DNAH8: variants seen among roughly 807,000 people sequenced by gnomAD.
DNAH8 encodes axonemal beta dynein heavy chain 8.
Under a neutral mutation model 562.1 loss-of-function variants are expected in DNAH8, and 382 were observed. The ratio of observed to expected loss-of-function variants is 0.68; its 90% CI spans 0.63 to 0.74. The LOEUF is 0.74. Ranked by LOEUF, DNAH8 falls within the 30% of genes least tolerant of loss-of-function variation. The pLI is 0.00. For missense variants in DNAH8, 5,203 were observed against 5,620.4 expected (o/e 0.93, Z 2.37); for synonymous variants, 1,881 against 1,919.4 (o/e 0.98, Z 0.52).
Position 38,913,994 on chromosome 6 carries a change from C to G in DNAH8, c.9963+42C>G, listed in dbSNP as rs1299105047. The G allele has an allele frequency of 2.0e-6, 3 of 1,466,248 alleles. No homozygotes were observed. In the African/African-American group the frequency reaches 4.2e-5, roughly 21 times the overall value. The allele number at this position is 1,466,248 out of a possible 1,614,324, so 90.8% of individuals were successfully genotyped here. On this transcript the variant is annotated intron_variant, in intron 67 of 92. Transcript: ENST00000327475. ...TTTATCACTGATGAGGAATATTTTT[C>G]CATATTAAAATGCATTGTTTTAAAA...
intron 21 of DNAH8, among the ~76,000 whole-genome samples, chr6:38,793,133 C>G (rs998292922): frequency 1.3e-5 from 2 of 152,008 alleles, no homozygotes; most frequent in African/African-American, 4.8e-5. Flanking sequence ...TGAGACAACA[C>G]TAAACAACCC....
chr6:38,917,495 A>G, intron 69 of DNAH8, 89 bp downstream of exon 69: 1 of 1,029,234 alleles, frequency 9.7e-7, no homozygotes, highest in Non-Finnish European at 1.4e-6. Context: ...AAACTGGCAG[A>G]CAATAATTGA....
intron 79 of DNAH8, among the ~76,000 whole-genome samples, chr6:38,944,175 C>T (rs780297634): frequency 1.7e-4 from 26 of 151,794 alleles, no homozygotes; most frequent in Non-Finnish European, 2.4e-4. Flanking sequence ...GGCTGCTTCT[C>T]GCACCAGTGA....
intron 53 of DNAH8, among the ~76,000 whole-genome samples, chr6:38,881,595 A>C (rs1778498355): frequency 7.4e-6 from 1 of 135,492 alleles, no homozygotes; most frequent in South Asian, 2.2e-4. Flanking sequence ...TTTGTTGCCC[A>C]CGCTGGAGTG....
chr6:38,894,650 T>C, intron 58 of DNAH8, 51 bp from the exon 59 acceptor site: 1 of 1,428,100 alleles, frequency 7.0e-7, no homozygotes, highest in African/African-American at 1.4e-5. Context: ...TAATTCTACT[T>C]TTAGTTGTAT....
intron 21 of DNAH8, among the ~76,000 whole-genome samples, chr6:38,797,981 A>C (rs1583032793): frequency 6.6e-6 from 1 of 151,930 alleles, no homozygotes; most frequent in South Asian, 2.1e-4. Context: ...GGGAGGCTGA[A>C]GCAGGAGAAT....
Position 38,839,375 on chromosome 6 carries a change from G to GT in DNAH8, c.4466+1343dup, listed in dbSNP as rs945233286. On this transcript the variant is annotated intron_variant, in intron 33 of 92. Coordinates refer to ENST00000327475, the MANE Select transcript of DNAH8 (RefSeq NM_001206927.2). ...TTGAAGTTTTTTTTTTGTTTGTTTTGTTTTTTTTTTGAGACAGGATCTCAC... is the reference window on the plus strand; with the variant it reads ...TTGAAGTTTTTTTTTTGTTTGTTTTGTTTTTTTTTTTGAGACAGGATCTCAC... Among the ~76,000 whole-genome samples the GT allele has an allele frequency of 6.1e-3, 884 of 144,974 alleles. 4 individuals carry two copies. The highest frequency in any genetic ancestry group is 0.02 in the African/African-American group (802 of 39,272).
chr6:38,856,429 T>C (rs1776202595), intron 41 of DNAH8, among the ~76,000 whole-genome samples: 1 of 152,262 alleles, frequency 6.6e-6, no homozygotes, highest in African/African-American at 2.4e-5. Flanking sequence ...GACATAATTA[T>C]GCAGTGGCTT....
intron 18 of DNAH8, among the ~76,000 whole-genome samples, chr6:38,789,450 A>G (rs1769489341): frequency 6.6e-6 from 1 of 152,242 alleles, no homozygotes; most frequent in Non-Finnish European, 1.5e-5. Flanking sequence ...CATCAGTGAT[A>G]AGATGAGGAT....
intron 1 of DNAH8, among the ~76,000 whole-genome samples, chr6:38,718,550 G>A (rs1283448099): frequency 2.0e-5 from 3 of 152,100 alleles, no homozygotes; most frequent in South Asian, 2.1e-4. Context: ...AATGGCAGTG[G>A]TCATGTATTT....
chr6:38,822,854 T>C lies in DNAH8; in HGVS notation c.3540T>C (p.Ala1180=). The change falls in exon 27 of 93, where the codon GCT becomes GCC. Residue 1180 remains alanine, a synonymous_variant. Coordinates refer to ENST00000327475, the MANE Select transcript of DNAH8 (RefSeq NM_001206927.2). ...TGTTTTCAGGATCTTTTGAAGAAGC[T>C]ATTCCTGCGAGGAAGCTGAAGAATT... The part of the protein sequence containing the change: ...LKKEERSFEE[A]IPARKLKNFY... 2 of 1,595,972 alleles carry C rather than the reference T, an allele frequency of 1.3e-6. No individual in the cohort carries two copies. Among genetic ancestry groups the C allele is most frequent in the South Asian group, 1.1e-5 (1 of 86,970 alleles).
chr6:39,015,913 C>G (rs1388221541), intron 91 of DNAH8, among the ~76,000 whole-genome samples: 1 of 152,210 alleles, frequency 6.6e-6, no homozygotes, highest in Non-Finnish European at 1.5e-5. Flanking sequence ...TGACTGCTTT[C>G]TGTTAGTCGC....
chr6:38,764,689 G>A (rs1051681748), intron 11 of DNAH8: 1 of 152,202 alleles, frequency 6.6e-6, no homozygotes, highest in African/African-American at 2.4e-5. Context: ...AAATGGAGCC[G>A]AGAAATGACT....
intron 26 of DNAH8, among the ~76,000 whole-genome samples, chr6:38,816,301 T>C (rs1192144601): frequency 2.6e-5 from 4 of 152,160 alleles, no homozygotes; most frequent in Admixed American, 6.5e-5. Context: ...GTGTTCACAT[T>C]GTTCAGCTCC....
At chr6:38,812,971 G>T (rs1771931507) in intron 24 of DNAH8, among the ~76,000 whole-genome samples, 1 of 152,296 alleles carries the variant, frequency 6.6e-6, no homozygotes, top group Non-Finnish European at 1.5e-5. Flanking sequence ...TCTATGGAAA[G>T]TGGCTGGCAT....
At chr6:38,987,453 G>A (rs545792713) in intron 87 of DNAH8, among the ~76,000 whole-genome samples, 1 of 152,132 alleles carries the variant, frequency 6.6e-6, no homozygotes, top group Admixed American at 6.5e-5. Context: ...AAAGCACAGG[G>A]TTCCATATCC....
chr6:38,975,524 G>C (rs1344827583), intron 85 of DNAH8, among the ~76,000 whole-genome samples: 1 of 152,158 alleles, frequency 6.6e-6, no homozygotes, highest in Admixed American at 6.5e-5. Flanking sequence ...AAAATACTGT[G>C]TGTATTTACC....
At chr6:38,845,531 T>C (rs1273812332) in intron 35 of DNAH8, 43 bp from the exon 36 acceptor site, 1 of 1,502,830 alleles carries the variant, frequency 6.7e-7, no homozygotes, top group South Asian at 1.2e-5. Flanking sequence ...ACTTAATTTG[T>C]AGTTGAAAAC....
chr6:38,832,549 G>C, intron 31 of DNAH8, 114 bp downstream of exon 31: 2 of 607,832 alleles, frequency 3.3e-6, no homozygotes, highest in South Asian at 4.9e-5. Context: ...CTATATTTGC[G>C]TATTTGCAGC....
Sources: allele counts gnomAD v4.1 joint callset (sites outside exome capture counted in the v4.1 genomes callset), GRCh38; gene constraint gnomAD v4.1.1; transcripts MANE v1.5; gene names NCBI Gene and HGNC (gene_info 2026-07-23, HGNC 2026-07-21).